Variants in SYNE2 observed in about 807,000 individuals in gnomAD.
The protein encoded by SYNE2 is nesprin-2.
In SYNE2, 431 loss-of-function variants were observed where a neutral mutation model predicts 856.3. That is an observed-to-expected ratio of 0.50 (90% CI 0.47 to 0.55). The LOEUF (loss-of-function observed/expected upper bound fraction) is 0.55. Ranked by LOEUF, SYNE2 falls within the 20% of genes least tolerant of loss-of-function variation. The pLI, the probability that SYNE2 is intolerant of heterozygous loss-of-function variation, is 0.00. For missense variants in SYNE2, 8,129 were observed against 8,023.2 expected (o/e 1.01, Z -0.50); for synonymous variants, 2,923 against 2,872.3 (o/e 1.02, Z -0.56).
intron 84 of SYNE2, among the ~76,000 whole-genome samples, chr14:64,150,007 CTTTT>C (rs755126549): frequency 0.012 from 1,148 of 94,366 alleles, 10 homozygotes; most frequent in African/African-American, 0.044. Flanking sequence ...TTTTTCTTTT[CTTTT>C]TTTTTTTTTT....
chr14:64,024,098 C>A, intron 38 of SYNE2, 159 bp from the exon 39 acceptor site: 1 of 647,916 alleles, frequency 1.5e-6, no homozygotes, highest in Non-Finnish European at 2.8e-6. Context: ...TATAAATCAT[C>A]TGCCATTGGA....
Position 64,223,278 on chromosome 14 carries a change from A to C in SYNE2, c.20280A>C (p.Glu6760Asp), listed in dbSNP as rs757377606. The change falls in exon 113 of 116, where the codon GAA becomes GAC. Residue 6760 changes from glutamate to aspartate, a missense_variant. By Grantham distance (45) the Glu-to-Asp change is conservative (BLOSUM62 2). Around this residue, in one of 3 missense-constraint regions of SYNE2, gnomAD observed 5,410 missense variants for 5,284.8 expected, o/e 1.02. Transcript: ENST00000555002. Reference protein sequence around the residue: ...SNSLLIKGHGEDCIEAEEKVH... With the variant: ...SNSLLIKGHGDDCIEAEEKVH... ...GCCTTCTCATTAAGGGACATGGAGAAGACTGTATTGAAGCTGAAGAAAAGG... is the reference window on the plus strand; with the variant it reads ...GCCTTCTCATTAAGGGACATGGAGACGACTGTATTGAAGCTGAAGAAAAGG... The C allele has an allele frequency of 1.9e-6, 3 of 1,614,226 alleles. No homozygotes were observed. In the South Asian group the frequency reaches 3.3e-5, roughly 18 times the overall value.
rs1369352377 is a variant in SYNE2 at position 64,215,797 on chromosome 14, C to CCTTGA, written c.19402+444_19403-446dup. On this transcript the variant is annotated intron_variant, in intron 107 of 115. Coordinates refer to ENST00000555002, the MANE Select transcript of SYNE2 (RefSeq NM_182914.3). ...CACAGGAGGGAAAAAACCTTCCTTTCCTTGATTTGCAGCTCTAATCCTCAT... is the reference window on the plus strand; with the variant it reads ...CACAGGAGGGAAAAAACCTTCCTTTCCTTGACTTGATTTGCAGCTCTAATCCTCAT... 5.8e-6 allele frequency: 3 copies of CCTTGA among 517,790 alleles called. No homozygotes were observed. The African/African-American group carries it at 5.9e-5, about 10-fold the overall frequency. 32.1% of individuals were successfully genotyped at this position (517,790 alleles called of 1,614,324 possible). A position where few individuals can be genotyped will look rare whatever the true frequency, so the allele number is the denominator to read the frequency against.
intron 31 of SYNE2, among the ~76,000 whole-genome samples, chr14:64,008,113 C>T (rs1456638307): frequency 1.3e-5 from 2 of 152,204 alleles, no homozygotes; most frequent in African/African-American, 4.8e-5. Context: ...TGTCACCCTC[C>T]TCCATTTTTA....
At chr14:63,774,068 C>G (rs550330789) in intron 1 of SYNE2, among the ~76,000 whole-genome samples, 7 of 152,230 alleles carry the variant, frequency 4.6e-5, no homozygotes, top group South Asian at 4.2e-4. Context: ...GGTGCGGTGG[C>G]TCATGCCTGT....
Position 64,089,597 on chromosome 14 carries a change from A to G in SYNE2, c.11694A>G (p.Glu3898=). 1 of 1,610,346 alleles carries G rather than the reference A, an allele frequency of 6.2e-7. No individual in the cohort carries two copies. The highest frequency in any genetic ancestry group is 8.5e-7 in the Non-Finnish European group (1 of 1,177,396). Residue 3898 remains glutamate (E), a synonymous_variant, in exon 59 of 116, where the codon GAA becomes GAG. Transcript: ENST00000555002. Reference sequence around the variant, plus strand: ...AGGATGTGGTTGCTATTGAATCTGAAGTAAAATCAATGGAAAAAAGAGTTT... The same window carrying G: ...AGGATGTGGTTGCTATTGAATCTGAGGTAAAATCAATGGAAAAAAGAGTTT... ...MADDVVAIES[E]VKSMEKRVSK...
intron 1 of SYNE2, among the ~76,000 whole-genome samples, chr14:63,867,741 A>G (rs576901162): frequency 6.0e-5 from 9 of 148,992 alleles, no homozygotes; most frequent in African/African-American, 7.3e-5. Flanking sequence ...GAATGAAAGA[A>G]AGAGAGAGAA....
At chr14:64,138,912 T>TTGTGTGTG (rs143789075) in intron 79 of SYNE2, among the ~76,000 whole-genome samples, 4,093 of 144,106 alleles carry the variant, frequency 0.028, 96 homozygotes, top group Non-Finnish European at 0.037. Flanking sequence ...CAAATGCTGG[T>TTGTGTGTG]TGTGTGTGTG....
intron 2 of SYNE2, among the ~76,000 whole-genome samples, chr14:63,914,870 T>G (rs966467518): frequency 1.3e-5 from 2 of 152,196 alleles, no homozygotes; most frequent in African/African-American, 4.8e-5. Flanking sequence ...CTCCACCTCC[T>G]GGGTTCAAGC....
intron 45 of SYNE2, among the ~76,000 whole-genome samples, chr14:64,038,720 G>C (rs2097124101): frequency 6.6e-6 from 1 of 152,264 alleles, no homozygotes; most frequent in Non-Finnish European, 1.5e-5. Flanking sequence ...GCGGGCGCCT[G>C]CAATCGCAGG....
At chr14:64,167,157 G>C in intron 90 of SYNE2, 76 bp from the exon 91 acceptor site, 1 of 1,593,302 alleles carries the variant, frequency 6.3e-7, no homozygotes. Flanking sequence ...CTTTATCTTT[G>C]AGGTAAGGAG....
rs1319627925 is a variant in SYNE2 at position 63,986,762 on chromosome 14, C to T, written c.2313+145C>T. On this transcript the variant is annotated intron_variant, in intron 19 of 115. Coordinates refer to ENST00000555002, the MANE Select transcript of SYNE2 (RefSeq NM_182914.3). ...GTTTTAAAAATGAATGGATTTTATCCCTGGATCATTTGCTGTTATTTTGCT... is the reference window on the plus strand; with the variant it reads ...GTTTTAAAAATGAATGGATTTTATCTCTGGATCATTTGCTGTTATTTTGCT... 20 of 915,018 alleles carry T rather than the reference C, an allele frequency of 2.2e-5. No individual in the cohort carries two copies. The East Asian group carries it at 4.7e-4, about 22-fold the overall frequency. The allele number at this position is 915,018 out of a possible 1,614,324, so 56.7% of individuals were successfully genotyped here. A position where few individuals can be genotyped will look rare whatever the true frequency, so the allele number is the denominator to read the frequency against.
chr14:63,883,429 C>T (rs1027992618), intron 1 of SYNE2, among the ~76,000 whole-genome samples: 1 of 152,178 alleles, frequency 6.6e-6, no homozygotes, highest in Non-Finnish European at 1.5e-5. Flanking sequence ...ACAATCATGG[C>T]TCACTGCAGC....
chr14:63,950,399 C>CA (rs1211316913), intron 7 of SYNE2, among the ~76,000 whole-genome samples: 6 of 151,938 alleles, frequency 3.9e-5, no homozygotes, highest in Non-Finnish European at 8.8e-5. Context: ...ATGAAAAATA[C>CA]AAAAAATTAG....
intron 1 of SYNE2, among the ~76,000 whole-genome samples, chr14:63,904,554 A>G (rs1286205421): frequency 4.0e-5 from 6 of 151,470 alleles, no homozygotes; most frequent in Non-Finnish European, 7.4e-5. Context: ...TTTGATTTGT[A>G]TTTCTCTGAT....
intron 83 of SYNE2, among the ~76,000 whole-genome samples, chr14:64,144,689 T>C (rs1054585730): frequency 6.6e-6 from 1 of 152,224 alleles, no homozygotes. Flanking sequence ...TTAAGTACTT[T>C]CTTGGAAAGC....
Position 64,007,066 on chromosome 14 carries a change from A to T in SYNE2, c.4421A>T (p.Asp1474Val), listed in dbSNP as rs776143870. Residue 1474 changes from aspartate to valine, a missense_variant, in exon 31 of 116, where the codon GAT (aspartate) becomes GTT (valine). This residue lies in a region of SYNE2 where 2,422 missense variants were observed against 2,357.4 expected (regional missense o/e 1.03). Coordinates refer to ENST00000555002, the MANE Select transcript of SYNE2 (RefSeq NM_182914.3). ...AGGAAAAAATCATTAATCAGACTGGATAAGGTTCTAGATGAATATGAAGAA... is the reference window on the plus strand; with the variant it reads ...AGGAAAAAATCATTAATCAGACTGGTTAAGGTTCTAGATGAATATGAAGAA... Reference protein sequence around the residue: ...KHRKKSLIRLDKVLDEYEEEK... With the variant: ...KHRKKSLIRLVKVLDEYEEEK... 6.2e-7 allele frequency: 1 copy of T among 1,613,516 alleles called. No homozygotes were observed. Among genetic ancestry groups the T allele is most frequent in the Non-Finnish European group, 8.5e-7 (1 of 1,179,588 alleles).
In SYNE2 at chr14:64,223,337, G is replaced by A. The variant is rs202240664; in HGVS notation, c.20339G>A (p.Arg6780Gln). Residue 6780 changes from arginine to glutamine, a missense_variant, in exon 113 of 116, where the codon CGG (arginine) becomes CAG (glutamine). Arg to Gln is a conservative substitution (Grantham distance 43). Coordinates refer to ENST00000555002, the MANE Select transcript of SYNE2 (RefSeq NM_182914.3). ...HVIEKKLKQL[R>Q]EQVSQDLMAL... The stretch of plus-strand genomic sequence containing the variant: ...ATTGAGAAGAAACTCAAACAGTTAC[G>A]GGAGCAAGTGTCCCAAGATTTAATG... 1,118 of 1,614,118 alleles carry A rather than the reference G, an allele frequency of 6.9e-4. 12 individuals are homozygous for A. The South Asian group carries it at 7.7e-3, about 11-fold the overall frequency.
At position 63,941,981 on chromosome 14, in the gene SYNE2, T is replaced by C; in HGVS notation, c.315+19T>C. On this transcript the variant is annotated intron_variant, in intron 5 of 115. Transcript: ENST00000555002. Reference sequence around the variant, plus strand: ...CCGATCAGTAAGTATAAATTTTTCTTAAAAATTCACAGGAGAGATTAATGC... The same window carrying C: ...CCGATCAGTAAGTATAAATTTTTCTCAAAAATTCACAGGAGAGATTAATGC... The C allele has an allele frequency of 1.2e-6, 2 of 1,607,930 alleles. No individual in the cohort carries two copies. Among genetic ancestry groups the C allele is most frequent in the Non-Finnish European group, 1.7e-6 (2 of 1,175,472 alleles).
Sources: allele counts gnomAD v4.1 joint callset (sites outside exome capture counted in the v4.1 genomes callset), GRCh38; gene constraint gnomAD v4.1.1; regional missense constraint gnomAD v4.1.1; transcripts MANE v1.5; gene names NCBI Gene and HGNC (gene_info 2026-07-23, HGNC 2026-07-21).